Variants in PTPRD observed in about 807,000 individuals in gnomAD.
PTPRD encodes the protein receptor-type tyrosine-protein phosphatase delta.
In PTPRD, 34 loss-of-function variants were observed where a neutral mutation model predicts 214.5. The ratio of observed to expected loss-of-function variants is 0.16; its 90% confidence interval spans 0.12 to 0.21. PTPRD has a LOEUF of 0.21. PTPRD is among the 10% of genes least tolerant of loss of function. The pLI is 1.00. For synonymous variants in PTPRD, 1,128 were observed against 845.7 expected (o/e 1.33, Z -5.79); for missense variants, 2,545 against 2,398.7 (o/e 1.06, Z -1.27).
intron 5 of PTPRD, among the ~76,000 whole-genome samples, chr9:9,776,946 A>G (rs1220815440): frequency 6.6e-6 from 1 of 152,198 alleles, no homozygotes; most frequent in Non-Finnish European, 1.5e-5. Context: ...TGAAAGGCAT[A>G]AATTCAGGGG....
intron 11 of PTPRD, among the ~76,000 whole-genome samples, chr9:8,800,703 G>C (rs184681037): frequency 2.0e-5 from 3 of 152,164 alleles, no homozygotes; most frequent in Non-Finnish European, 4.4e-5. Flanking sequence ...TCTGTCTATG[G>C]AGTAGCCATT....
chr9:10,335,403 A>T (rs532551712), intron 3 of PTPRD, among the ~76,000 whole-genome samples: 1 of 151,912 alleles, frequency 6.6e-6, no homozygotes, highest in South Asian at 2.1e-4. Flanking sequence ...TAAATGAAAA[A>T]ATGAATCTAC....
At position 10,452,099 on chromosome 9, in the gene PTPRD, C is replaced by G. The variant is rs114597546; in HGVS notation, c.-599-111082G>C. On this transcript the variant is annotated intron_variant, in intron 2 of 45. Coordinates refer to ENST00000381196, the MANE Select transcript of PTPRD (RefSeq NM_002839.4). The stretch of plus-strand genomic sequence containing the variant: ...GTAGAAGAAGCTTCAAGTTCAAGAG[C>G]AATTCCAAATTGTTTTGAAGAGGTA... 5.8e-3 allele frequency among the ~76,000 whole-genome samples: 878 copies of G among 151,984 alleles called. 7 individuals are homozygous for G. The highest frequency in any genetic ancestry group is 0.02 in the African/African-American group (843 of 41,530).
At chr9:9,510,695 C>G (rs1213930911) in intron 8 of PTPRD, among the ~76,000 whole-genome samples, 2 of 150,886 alleles carry the variant, frequency 1.3e-5, no homozygotes, top group Non-Finnish European at 3.0e-5. Flanking sequence ...TTTCCATTGG[C>G]TCTGCCCACC....
At chr9:8,789,579 G>C (rs1005862240) in intron 11 of PTPRD, among the ~76,000 whole-genome samples, 3 of 152,146 alleles carry the variant, frequency 2.0e-5, no homozygotes, top group South Asian at 4.1e-4. Flanking sequence ...TTTAAATTCC[G>C]TTATTGGCAA....
chr9:9,890,033 T>A (rs2072683053), intron 5 of PTPRD, among the ~76,000 whole-genome samples: 1 of 152,088 alleles, frequency 6.6e-6, no homozygotes, highest in Admixed American at 6.6e-5. Context: ...CAAAGAGGCA[T>A]GGATTTCAGA....
At chr9:9,507,217 G>A (rs960769386) in intron 8 of PTPRD, among the ~76,000 whole-genome samples, 10 of 151,004 alleles carry the variant, frequency 6.6e-5, no homozygotes, top group African/African-American at 2.2e-4. Context: ...TGTCAATTTT[G>A]TCTGAAAAGA....
At chr9:9,251,759 G>A (rs562441843) in intron 9 of PTPRD, among the ~76,000 whole-genome samples, 17 of 152,168 alleles carry the variant, frequency 1.1e-4, no homozygotes, top group African/African-American at 1.7e-4. Context: ...AAAAGTAATT[G>A]TTGAATAAAG....
intron 9 of PTPRD, among the ~76,000 whole-genome samples, chr9:9,340,892 A>T (rs911934255): frequency 1.1e-4 from 16 of 152,158 alleles, no homozygotes; most frequent in Admixed American, 1.0e-3. Flanking sequence ...TCATTAGAAT[A>T]AACTACTAGT....
At chr9:9,431,090 A>G (rs2082912365) in intron 8 of PTPRD, among the ~76,000 whole-genome samples, 1 of 152,226 alleles carries the variant, frequency 6.6e-6, no homozygotes, top group South Asian at 2.1e-4. Flanking sequence ...GCACAGCAAA[A>G]GAAACTACCA....
At chr9:9,952,335 A>C (rs991929779) in intron 4 of PTPRD, among the ~76,000 whole-genome samples, 2 of 152,202 alleles carry the variant, frequency 1.3e-5, no homozygotes, top group African/African-American at 4.8e-5. Flanking sequence ...TGTATATAAA[A>C]GATGTAAAAT....
chr9:8,524,424 G>A (rs2097959994), intron 18 of PTPRD, among the ~76,000 whole-genome samples: 1 of 152,144 alleles, frequency 6.6e-6, no homozygotes, highest in African/African-American at 2.4e-5. Flanking sequence ...ATGCAACTGT[G>A]CTATTTGCAT....
intron 8 of PTPRD, among the ~76,000 whole-genome samples, chr9:9,427,775 G>C (rs1436982530): frequency 6.6e-6 from 1 of 152,056 alleles, no homozygotes; most frequent in Admixed American, 6.6e-5. Flanking sequence ...CTTAAAGAAA[G>C]GAATTTTCAA....
At chr9:8,765,757 A>G (rs1306532886) in intron 11 of PTPRD, among the ~76,000 whole-genome samples, 1 of 152,226 alleles carries the variant, frequency 6.6e-6, no homozygotes, top group Non-Finnish European at 1.5e-5. Context: ...TAGTAGTCAG[A>G]AAAAGCTAAC....
chr9:8,545,567 G>C (rs1484862934), intron 14 of PTPRD, among the ~76,000 whole-genome samples: 1 of 152,182 alleles, frequency 6.6e-6, no homozygotes, highest in Non-Finnish European at 1.5e-5. Context: ...GTGATTTTCA[G>C]AAGGCAAGGA....
At chr9:8,919,176 C>T (rs1403902522) in intron 11 of PTPRD, among the ~76,000 whole-genome samples, 7 of 151,898 alleles carry the variant, frequency 4.6e-5, no homozygotes, top group African/African-American at 1.2e-4. Context: ...GTGGATCACC[C>T]GAGGTCAGGA....
chr9:9,939,186 G>A (rs997730339), intron 4 of PTPRD, among the ~76,000 whole-genome samples: 10 of 152,046 alleles, frequency 6.6e-5, no homozygotes, highest in Non-Finnish European at 1.0e-4. Context: ...GAAATAGACC[G>A]CTTGACCTCA....
chr9:9,727,191 C>T (rs2098111136), intron 7 of PTPRD, among the ~76,000 whole-genome samples: 1 of 152,124 alleles, frequency 6.6e-6, no homozygotes, highest in Admixed American at 6.5e-5. Context: ...CGTGGTGGCT[C>T]ACACCTATAA....
intron 12 of PTPRD, among the ~76,000 whole-genome samples, chr9:8,668,605 C>A (rs1307543784): frequency 1.3e-5 from 2 of 151,874 alleles, no homozygotes. Flanking sequence ...TTTAAAATGT[C>A]AATTATATAA....
Sources: gnomAD v4.1 joint callset for allele counts (sites outside exome capture counted in the v4.1 genomes callset) on GRCh38, gnomAD v4.1.1 for gene constraint, MANE v1.5 for transcripts, NCBI Gene and HGNC (gene_info 2026-07-23, HGNC 2026-07-21) for gene names.